Variants in SAE1 observed in about 807,000 individuals in gnomAD.
SAE1 encodes SUMO-activating enzyme subunit 1.
In SAE1, 11 loss-of-function variants were observed where a neutral mutation model predicts 40.6. That is an observed-to-expected ratio of 0.27 (90% CI 0.17 to 0.45). SAE1 has a LOEUF of 0.45. Among genes scored for constraint, SAE1 ranks in the 20% least tolerant of loss-of-function variants. The pLI is 1.00. For missense variants in SAE1, 373 were observed against 427.3 expected (o/e 0.87, Z 1.12); for synonymous variants, 155 against 154.3 (o/e 1.00, Z -0.03).
At chr19:47,133,085 C>G (rs1413862543) in intron 1 of SAE1, among the ~76,000 whole-genome samples, 1 of 152,144 alleles carries the variant, frequency 6.6e-6, no homozygotes, top group Non-Finnish European at 1.5e-5. Flanking sequence ...AGTGCAAATT[C>G]CCAGAGGCCC....
intron 5 of SAE1, among the ~76,000 whole-genome samples, chr19:47,169,278 C>G (rs1219485968): frequency 6.6e-6 from 1 of 152,028 alleles, no homozygotes; most frequent in Non-Finnish European, 1.5e-5. Context: ...GAGTCTTACT[C>G]CTTCATCCAG....
intron 6 of SAE1, among the ~76,000 whole-genome samples, chr19:47,186,133 G>C (rs2123287669): frequency 6.6e-6 from 1 of 151,784 alleles, no homozygotes; most frequent in East Asian, 2.0e-4. Flanking sequence ...CCAGCTACTA[G>C]GGAGGCTGAA....
Position 47,185,658 on chromosome 19 carries a change from G to C in SAE1, c.734-11575G>C, listed in dbSNP as rs996359702. Among the ~76,000 whole-genome samples the C allele has an allele frequency of 7.2e-5, 11 of 151,862 alleles. No individual in the cohort carries two copies. In the East Asian group the frequency reaches 2.2e-3, roughly 30 times the overall value. On this transcript the variant is annotated intron_variant, in intron 6 of 8. Coordinates refer to ENST00000270225, the MANE Select transcript of SAE1 (RefSeq NM_005500.3). ...ACTGTGTCTCCCAGGCTAGAGTACA[G>C]TAGCCCCATCTCTGCTCACTGCAAC...
chr19:47,135,889 C>T (rs570170201), intron 1 of SAE1, among the ~76,000 whole-genome samples: 2 of 152,020 alleles, frequency 1.3e-5, no homozygotes, highest in South Asian at 2.1e-4. Context: ...CTGCAAGCTC[C>T]GCCTCCCAGG....
intron 7 of SAE1, among the ~76,000 whole-genome samples, chr19:47,200,562 G>A (rs1412196911): frequency 2.6e-5 from 4 of 151,972 alleles, no homozygotes; most frequent in East Asian, 1.9e-4. Context: ...TTGTAGAGAC[G>A]GGGGTCTCAC....
At position 47,150,243 on chromosome 19, in the gene SAE1, T is replaced by A; in HGVS notation, c.252T>A (p.Thr84=). The A allele has an allele frequency of 6.2e-7, 1 of 1,612,880 alleles. No individual in the cohort carries two copies. Among genetic ancestry groups the A allele is most frequent in the Non-Finnish European group, 8.5e-7 (1 of 1,179,690 alleles). The stretch of plus-strand genomic sequence containing the variant: ...CCGGAGCTCAGTTCTTGATTCGTAC[T>A]GGGTCTGTTGGCCGAAATAGGGCTG... ...EDPGAQFLIR[T]GSVGRNRAEA... Residue 84 remains threonine (T), a synonymous_variant, in exon 3 of 9, where the codon ACT becomes ACA. Transcript: ENST00000270225.
chr19:47,205,771 T>C (rs1207412294), intron 8 of SAE1, among the ~76,000 whole-genome samples: 3 of 152,180 alleles, frequency 2.0e-5, no homozygotes, highest in Admixed American at 1.3e-4. Context: ...CCACCGGCCC[T>C]ATGAGGTAGG....
intron 6 of SAE1, among the ~76,000 whole-genome samples, chr19:47,182,498 C>CGCGT (rs1568603164): frequency 2.8e-5 from 3 of 107,682 alleles, no homozygotes; most frequent in African/African-American, 1.1e-4. Context: ...TGTGTGTGTG[C>CGCGT]GCGCACGCAC....
intron 5 of SAE1, among the ~76,000 whole-genome samples, chr19:47,165,425 C>A (rs2058386664): frequency 6.6e-6 from 1 of 152,070 alleles, no homozygotes; most frequent in Non-Finnish European, 1.5e-5. Flanking sequence ...TGATTGAAGT[C>A]CTTAAGCCCA....
intron 6 of SAE1, among the ~76,000 whole-genome samples, chr19:47,195,147 C>T (rs943072796): frequency 6.6e-6 from 1 of 151,180 alleles, no homozygotes; most frequent in Non-Finnish European, 1.5e-5. Flanking sequence ...CTCTGCCTCC[C>T]GGGTTCAAGC....
chr19:47,155,250 G>C (rs71353953), intron 5 of SAE1, 37 bp downstream of exon 5: 3 of 1,347,322 alleles, frequency 2.2e-6, no homozygotes, highest in Non-Finnish European at 3.2e-6. Flanking sequence ...AGAAACCCTG[G>C]GGCCTTGGAG....
chr19:47,190,478 C>A (rs937141796), intron 6 of SAE1, among the ~76,000 whole-genome samples: 4 of 152,134 alleles, frequency 2.6e-5, no homozygotes, highest in Admixed American at 2.0e-4. Context: ...TTCCTGCCCC[C>A]CTCCACTGCT....
intron 6 of SAE1, among the ~76,000 whole-genome samples, chr19:47,182,363 A>T (rs756985753): frequency 6.6e-6 from 1 of 152,082 alleles, no homozygotes; most frequent in Non-Finnish European, 1.5e-5. Flanking sequence ...CCACAGGGAA[A>T]TGGGTTCCGA....
chr19:47,207,453 G>A (rs2058692095), intron 8 of SAE1, among the ~76,000 whole-genome samples: 1 of 152,098 alleles, frequency 6.6e-6, no homozygotes, highest in Non-Finnish European at 1.5e-5. Flanking sequence ...CTGGCAGCTT[G>A]CCTAGGTGAT....
rs1263843006 is a variant in SAE1, at chr19:47,130,915, A to C, written c.-16A>C. On this transcript the variant is annotated 5_prime_UTR_variant, in exon 1 of 9. Coordinates refer to ENST00000270225, the MANE Select transcript of SAE1 (RefSeq NM_005500.3). ...GCTTGAGCGGGACCGGAGCTGAGGC[A>C]GGAAGAGCCGGCGCCATGGTGGAGA... 2 of 1,549,230 alleles carry C rather than the reference A, an allele frequency of 1.3e-6. No homozygotes were observed. Among genetic ancestry groups the C allele is most frequent in the African/African-American group, 2.7e-5 (2 of 73,058 alleles).
chr19:47,200,234 CTTTT>C (rs776221582), intron 7 of SAE1, among the ~76,000 whole-genome samples: 2 of 135,756 alleles, frequency 1.5e-5, no homozygotes, highest in Non-Finnish European at 3.2e-5. Flanking sequence ...CGCCCAGCCT[CTTTT>C]TTTTTTTTTT....
At chr19:47,159,280 C>T (rs908494142) in intron 5 of SAE1, among the ~76,000 whole-genome samples, 1 of 152,134 alleles carries the variant, frequency 6.6e-6, no homozygotes, top group Non-Finnish European at 1.5e-5. Context: ...TGTTGACAGC[C>T]TTCTCATCCT....
chr19:47,187,016 G>T (rs2058548614), intron 6 of SAE1, among the ~76,000 whole-genome samples: 1 of 152,204 alleles, frequency 6.6e-6, no homozygotes, highest in South Asian at 2.1e-4. Flanking sequence ...TAGGGTAGGG[G>T]TGGAGGGGGG....
chr19:47,162,516 A>C (rs2058364912), intron 5 of SAE1, among the ~76,000 whole-genome samples: 1 of 152,148 alleles, frequency 6.6e-6, no homozygotes, highest in Non-Finnish European at 1.5e-5. Context: ...CTGAGTGTGA[A>C]AAATGTGTTT....
Sources: allele counts gnomAD v4.1 joint callset (sites outside exome capture counted in the v4.1 genomes callset), GRCh38; gene constraint gnomAD v4.1.1; transcripts MANE v1.5; gene names NCBI Gene and HGNC (gene_info 2026-07-23, HGNC 2026-07-21).